Variants in TMEM184A observed in about 807,000 individuals in gnomAD.
TMEM184A encodes transmembrane protein 184A, also known as sexually dimorphic, expressed in male gonads 1.
Under a neutral mutation model 39.5 loss-of-function variants are expected in TMEM184A, and 40 were observed. The ratio of observed to expected loss-of-function variants is 1.01; its 90% CI spans 0.79 to 1.32. The LOEUF (loss-of-function observed/expected upper bound fraction) is 1.32. Ranked by LOEUF, TMEM184A falls within the 40% of genes most tolerant of loss-of-function variation. The pLI is 0.00. For synonymous variants in TMEM184A, 280 were observed against 252.3 expected (o/e 1.11, Z -1.04); for missense variants, 603 against 568.8 (o/e 1.06, Z -0.61).
At chr7:1,550,051 G>T in intron 5 of TMEM184A, 72 bp downstream of exon 5, 1 of 1,584,936 alleles carries the variant, frequency 6.3e-7, no homozygotes, top group Non-Finnish European at 8.6e-7. Flanking sequence ...TGGGTGGGGT[G>T]GCGCTGGGCC....
intron 6 of TMEM184A, chr7:1,549,539 A>G (rs934687251): frequency 5.9e-6 from 3 of 510,336 alleles, no homozygotes; most frequent in African/African-American, 3.9e-5. Context: ...CACAGACGCT[A>G]GACTCACCCC....
chr7:1,547,144 G>C lies in TMEM184A; in HGVS notation c.1050C>G (p.Ile350Met). Residue 350 changes from isoleucine to methionine, a missense_variant, in exon 9 of 9, where the codon ATC (isoleucine) becomes ATG (methionine). Physicochemically the swap from Ile to Met is conservative, Grantham distance 10 (BLOSUM62 1). Coordinates refer to ENST00000297477, the MANE Select transcript of TMEM184A (RefSeq NM_001097620.2). ...PAPMQSISSG[I>M]RETVSPQDIV... Reference sequence around the variant, plus strand: ...TGTCCTGGGGGCTCACTGTCTCCCTGATGCCGCTGGAGATGCTCTGCATGG... The same window carrying C: ...TGTCCTGGGGGCTCACTGTCTCCCTCATGCCGCTGGAGATGCTCTGCATGG... The C allele has an allele frequency of 2.5e-6, 4 of 1,608,260 alleles. No homozygotes were observed. The highest frequency in any genetic ancestry group is 3.4e-6 in the Non-Finnish European group (4 of 1,179,440).
Position 1,550,293 on chromosome 7 carries a change from T to C in TMEM184A, c.476+12A>G. The C allele has an allele frequency of 1.2e-6, 2 of 1,612,026 alleles. No individual in the cohort carries two copies. Among genetic ancestry groups the C allele is most frequent in the Non-Finnish European group, 1.7e-6 (2 of 1,179,374 alleles). ...TGTGTGGGGTGTGGGGGCTCTGGGG[T>C]GACGGGCTTACTTGATGGGCTTTCC... On this transcript the variant is annotated intron_variant, in intron 4 of 8. Coordinates refer to ENST00000297477, the MANE Select transcript of TMEM184A (RefSeq NM_001097620.2).
chr7:1,553,379 T>A (rs1426996270), intron 2 of TMEM184A, among the ~76,000 whole-genome samples: 1 of 152,082 alleles, frequency 6.6e-6, no homozygotes, highest in African/African-American at 2.4e-5. Flanking sequence ...TCTCAAACTC[T>A]TGACCTCGGG....
intron 2 of TMEM184A, among the ~76,000 whole-genome samples, chr7:1,553,942 G>T: frequency 6.6e-6 from 1 of 152,166 alleles, no homozygotes; most frequent in South Asian, 2.1e-4. Flanking sequence ...TGACTGCGAG[G>T]CCCCATGAAG....
chr7:1,548,801 A>G, intron 6 of TMEM184A, 113 bp from the exon 7 acceptor site: 3 of 1,275,848 alleles, frequency 2.4e-6, no homozygotes, highest in Non-Finnish European at 3.3e-6. Context: ...GCTTGGGAGC[A>G]TGGGCCCTGC....
At chr7:1,548,019 T>A (rs1049344990) in intron 7 of TMEM184A, 80 bp from the exon 8 acceptor site, 9 of 1,449,100 alleles carry the variant, frequency 6.2e-6, no homozygotes, top group Admixed American at 6.1e-5. Context: ...CCGCAGCGGC[T>A]CCTCTGACGG....
rs1018918352 is a variant in TMEM184A at position 1,548,030 on chromosome 7, G to A, written c.815-91C>T. 3.6e-6 allele frequency: 5 copies of A among 1,397,838 alleles called. No individual in the cohort carries two copies. In the African/African-American group the frequency reaches 7.1e-5, roughly 20 times the overall value. 86.6% of individuals were successfully genotyped at this position (1,397,838 alleles called of 1,614,324 possible). A position where few individuals can be genotyped will look rare whatever the true frequency, so the allele number is the denominator to read the frequency against. On this transcript the variant is annotated intron_variant, in intron 7 of 8. Coordinates refer to ENST00000297477, the MANE Select transcript of TMEM184A (RefSeq NM_001097620.2). ...GACCCCGCAGCGGCTCCTCTGACGG[G>A]TGCTGTGACCCCGTCCGTGTAGTCT...
intron 2 of TMEM184A, among the ~76,000 whole-genome samples, chr7:1,554,525 C>T (rs1454192052): frequency 3.3e-5 from 5 of 152,200 alleles, no homozygotes; most frequent in Admixed American, 3.3e-4. Context: ...TCCCACCCCA[C>T]CCCTGCGCAC....
chr7:1,551,847 G>T (rs1430554035), intron 2 of TMEM184A, among the ~76,000 whole-genome samples: 1 of 152,056 alleles, frequency 6.6e-6, no homozygotes, highest in Admixed American at 6.5e-5. Context: ...TGAGGCAGGA[G>T]AATCGCTTGA....
intron 2 of TMEM184A, among the ~76,000 whole-genome samples, chr7:1,553,613 C>G (rs1784688886): frequency 6.6e-6 from 1 of 152,048 alleles, no homozygotes. Context: ...CACCTGGCCG[C>G]TTGGGGTGCA....
In TMEM184A at chr7:1,549,835, C is replaced by T; in HGVS notation, c.644+19G>A. 1.3e-6 allele frequency: 2 copies of T among 1,575,114 alleles called. No individual in the cohort carries two copies. The highest frequency in any genetic ancestry group is 1.7e-6 in the Non-Finnish European group (2 of 1,158,786). ...CAGTGCCCACCTCATGCCAGGTGTC[C>T]CCGCAGCTCCCGCCTTACTTGAAGT... On this transcript the variant is annotated intron_variant, in intron 6 of 8. Coordinates refer to ENST00000297477, the MANE Select transcript of TMEM184A (RefSeq NM_001097620.2).
intron 2 of TMEM184A, among the ~76,000 whole-genome samples, chr7:1,554,365 T>G (rs1019114859): frequency 3.9e-5 from 6 of 152,270 alleles, no homozygotes; most frequent in African/African-American, 1.4e-4. Flanking sequence ...CAGTGCCCCG[T>G]GCACCCGGGA....
At position 1,543,652 on chromosome 7, in the gene TMEM184A, A is replaced by G. The variant is rs892523; in HGVS notation, c.*3300T>C. On this transcript the variant is annotated 3_prime_UTR_variant, in exon 9 of 9. Coordinates refer to ENST00000297477, the MANE Select transcript of TMEM184A (RefSeq NM_001097620.2). Reference sequence around the variant, plus strand: ...AATCCCAACTCGAGTTTTTTGAGACAGTATCTTGCTTTGTCACCCAAGCTG... The same window carrying G: ...AATCCCAACTCGAGTTTTTTGAGACGGTATCTTGCTTTGTCACCCAAGCTG... 0.59 allele frequency: 90,391 copies of G among 152,244 alleles called. 27,026 individuals carry two copies. Among genetic ancestry groups the G allele is most frequent in the East Asian group, 0.68 (3,504 of 5,156 alleles). The allele number at this position is 152,244 out of a possible 1,614,324, so 9.4% of individuals were successfully genotyped here.
intron 6 of TMEM184A, 99 bp from the exon 7 acceptor site, chr7:1,548,787 C>T (rs1784458050): frequency 1.4e-6 from 2 of 1,416,234 alleles, no homozygotes; most frequent in Admixed American, 4.0e-5. Context: ...GGTCCCCACC[C>T]TGAGCTTGGG....
At chr7:1,550,760 C>T (rs1784557424) in intron 3 of TMEM184A, 57 bp downstream of exon 3, 2 of 1,592,660 alleles carry the variant, frequency 1.3e-6, no homozygotes, top group Non-Finnish European at 1.7e-6. Context: ...TGCGTGCACG[C>T]AGGCCCCGGG....
In TMEM184A at chr7:1,544,983, G is replaced by T; in HGVS notation, c.*1969C>A. 6.6e-6 allele frequency: 1 copy of T among 152,384 alleles called. No individual in the cohort carries two copies. The highest frequency in any genetic ancestry group is 6.5e-5 in the Admixed American group (1 of 15,312). The allele number at this position is 152,384 out of a possible 1,614,324, so 9.4% of individuals were successfully genotyped here. A position where few individuals can be genotyped will look rare whatever the true frequency, so the allele number is the denominator to read the frequency against. ...CTCAGCCCCTGACACCTCAGCCTCTGCCGCCCGGAGCCCAGGCGGTGTCTG... is the reference window on the plus strand; with the variant it reads ...CTCAGCCCCTGACACCTCAGCCTCTTCCGCCCGGAGCCCAGGCGGTGTCTG... On this transcript the variant is annotated 3_prime_UTR_variant, in exon 9 of 9. Coordinates refer to ENST00000297477, the MANE Select transcript of TMEM184A (RefSeq NM_001097620.2).
In TMEM184A at chr7:1,547,757, TC is replaced by T; in HGVS notation, c.996del (p.Lys333ArgfsTer22). On this transcript the variant is annotated frameshift_variant, in exon 8 of 9. Transcript: ENST00000297477. LOFTEE classifies it low-confidence loss of function (END_TRUNC). ...CAGGGTGTACCTGGTGAATTCTCCT[TC>T]TTCTCTGCGTACACCTGGCAGGGGA... ...YAFPCQVYAE[K>X]KENSPAPPAP... 6.2e-7 allele frequency: 1 copy of T among 1,612,358 alleles called. No individual in the cohort carries two copies. The highest frequency in any genetic ancestry group is 8.5e-7 in the Non-Finnish European group (1 of 1,179,680).
rs1784385186 is a variant in TMEM184A, at chr7:1,547,183, T to TG, written c.1013-3dup. 2 of 1,543,250 alleles carry TG rather than the reference T, an allele frequency of 1.3e-6. No homozygotes were observed. The highest frequency in any genetic ancestry group is 1.8e-6 in the Non-Finnish European group (2 of 1,129,040). On this transcript the variant is annotated splice_polypyrimidine_tract_variant and splice_region_variant and intron_variant, in intron 8 of 8. Transcript: ENST00000297477. Reference sequence around the variant, plus strand: ...TGCTCTGCATGGGTGCCGGGGGGGCTGGGGGAGGGCAGTGTATGAGCCCCA... The same window carrying TG: ...TGCTCTGCATGGGTGCCGGGGGGGCTGGGGGGAGGGCAGTGTATGAGCCCCA...
Sources: gnomAD v4.1 joint callset for allele counts (sites outside exome capture counted in the v4.1 genomes callset) on GRCh38, gnomAD v4.1.1 for gene constraint, MANE v1.5 for transcripts, NCBI Gene and HGNC (gene_info 2026-07-23, HGNC 2026-07-21) for gene names.